The following GRIN3A variants were observed in gnomAD, a reference collection of about 807,000 sequenced individuals.
The protein encoded by GRIN3A is glutamate receptor ionotropic, NMDA 3A.
A neutral mutation model predicts 92.4 loss-of-function variants in GRIN3A; 47 were observed. The observed-to-expected ratio is 0.51, with a 90% CI of 0.40 to 0.65. The LOEUF is 0.65. Among genes scored for constraint, GRIN3A ranks in the 30% least tolerant of loss-of-function variants. GRIN3A has a pLI of 0.00. For synonymous variants in GRIN3A, 527 were observed against 540.6 expected, an observed-to-expected ratio of 0.97 and a Z score of 0.35; for missense variants, 1,324 against 1,393.1, an observed-to-expected ratio of 0.95 and a Z score of 0.79.
chr9:101,735,512 A>G (rs1017783098), intron 1 of GRIN3A, among the ~76,000 whole-genome samples: 1 of 151,952 alleles, frequency 6.6e-6, no homozygotes, highest in African/African-American at 2.4e-5. Context: ...GTTCTAGAAC[A>G]CAACTTCCCT....
At chr9:101,583,621 C>T (rs955782687) in intron 6 of GRIN3A, among the ~76,000 whole-genome samples, 12 of 152,176 alleles carry the variant, frequency 7.9e-5, no homozygotes, top group Non-Finnish European at 1.3e-4. Context: ...ATGATAATTG[C>T]AGCTGCAAGT....
At chr9:101,576,772 C>T (rs1827833196) in intron 8 of GRIN3A, among the ~76,000 whole-genome samples, 2 of 152,082 alleles carry the variant, frequency 1.3e-5, no homozygotes, top group South Asian at 4.1e-4. Flanking sequence ...GGAGAGTGCT[C>T]ATTGACTGGA....
chr9:101,611,085 G>A (rs1469862489), intron 6 of GRIN3A, among the ~76,000 whole-genome samples: 4 of 147,400 alleles, frequency 2.7e-5, no homozygotes, highest in Non-Finnish European at 6.0e-5. Context: ...GTTACAGTGT[G>A]AGAGTCTGTC....
chr9:101,609,700 T>A lies in GRIN3A; in HGVS notation c.2766+3676A>T, dbSNP rs564449586. On this transcript the variant is annotated intron_variant, in intron 6 of 8. Transcript: ENST00000361820. ...TAGGTCCTCCTCCACCTAGGAATCA[T>A]ATGGTCCCTTCAGCTGAAGTCTTGG... Among the ~76,000 whole-genome samples the A allele has an allele frequency of 2.6e-5, 4 of 152,284 alleles. No individual in the cohort carries two copies. In the South Asian group the frequency reaches 8.3e-4, roughly 32 times the overall value.
intron 1 of GRIN3A, among the ~76,000 whole-genome samples, chr9:101,705,373 C>T (rs1417344380): frequency 6.6e-6 from 1 of 152,130 alleles, no homozygotes; most frequent in Non-Finnish European, 1.5e-5. Context: ...CGGCGGAACT[C>T]CAGGCAAAGA....
At chr9:101,726,663 A>G (rs1277850599) in intron 1 of GRIN3A, among the ~76,000 whole-genome samples, 1 of 151,524 alleles carries the variant, frequency 6.6e-6, no homozygotes, top group Non-Finnish European at 1.5e-5. Flanking sequence ...CCATTTAAAA[A>G]TTTTTATTTA....
intron 6 of GRIN3A, among the ~76,000 whole-genome samples, chr9:101,598,767 A>G (rs1828173686): frequency 6.6e-6 from 1 of 152,184 alleles, no homozygotes; most frequent in Non-Finnish European, 1.5e-5. Context: ...TAGTGGTTAC[A>G]GTATGCCACA....
At chr9:101,640,805 C>T (rs1564132958) in intron 3 of GRIN3A, among the ~76,000 whole-genome samples, 2 of 152,156 alleles carry the variant, frequency 1.3e-5, no homozygotes, top group African/African-American at 4.8e-5. Context: ...CTGCGATCCA[C>T]GTAAGACATG....
intron 1 of GRIN3A, among the ~76,000 whole-genome samples, chr9:101,691,511 A>T (rs751366082): frequency 6.6e-6 from 1 of 152,204 alleles, no homozygotes; most frequent in Non-Finnish European, 1.5e-5. Context: ...TGTATTTGAA[A>T]ACAATTGATC....
intron 1 of GRIN3A, among the ~76,000 whole-genome samples, chr9:101,721,254 C>T (rs778057299): frequency 1.6e-4 from 25 of 152,108 alleles, no homozygotes; most frequent in South Asian, 2.1e-4. Context: ...CAGGGGTTTC[C>T]GCTTTTGCTT....
intron 1 of GRIN3A, among the ~76,000 whole-genome samples, chr9:101,737,006 A>C (rs1420622274): frequency 1.3e-5 from 2 of 151,746 alleles, no homozygotes; most frequent in Non-Finnish European, 2.9e-5. Flanking sequence ...CAGCCGGTCA[A>C]AATATGATTT....
intron 1 of GRIN3A, among the ~76,000 whole-genome samples, chr9:101,691,516 T>C (rs1166800515): frequency 6.6e-6 from 1 of 152,192 alleles, no homozygotes; most frequent in Non-Finnish European, 1.5e-5. Flanking sequence ...TTGAAAACAA[T>C]TGATCACTAT....
chr9:101,634,125 A>G (rs185622308), intron 3 of GRIN3A, among the ~76,000 whole-genome samples: 1 of 152,186 alleles, frequency 6.6e-6, no homozygotes, highest in East Asian at 1.9e-4. Context: ...CGAGGTCAGG[A>G]GATCGAGACC....
chr9:101,674,830 CG>C (rs1369091991), intron 2 of GRIN3A, among the ~76,000 whole-genome samples: 3 of 151,948 alleles, frequency 2.0e-5, no homozygotes, highest in South Asian at 4.2e-4. Context: ...GCATAATAAT[CG>C]GATTGGAGAG....
intron 5 of GRIN3A, among the ~76,000 whole-genome samples, chr9:101,621,171 G>T (rs1828549217): frequency 6.6e-6 from 1 of 151,674 alleles, no homozygotes; most frequent in Non-Finnish European, 1.5e-5. Flanking sequence ...TGTAATCCCA[G>T]CTACCCGGGA....
chr9:101,736,528 G>T (rs1032987507), intron 1 of GRIN3A, among the ~76,000 whole-genome samples: 4 of 151,546 alleles, frequency 2.6e-5, no homozygotes, highest in African/African-American at 9.7e-5. Context: ...GATGGGGAGA[G>T]AAATGGGCTG....
At chr9:101,606,225 C>G (rs781779083) in intron 6 of GRIN3A, among the ~76,000 whole-genome samples, 5 of 152,196 alleles carry the variant, frequency 3.3e-5, no homozygotes, top group Non-Finnish European at 7.3e-5. Flanking sequence ...CCATGAGGGA[C>G]AGTGCTGGAC....
chr9:101,615,950 C>T (rs1182930111), intron 5 of GRIN3A, among the ~76,000 whole-genome samples: 2 of 152,136 alleles, frequency 1.3e-5, no homozygotes, highest in African/African-American at 4.8e-5. Context: ...CTTATATGGC[C>T]CAGTTCTCCC....
chr9:101,732,025 T>C (rs1415190781), intron 1 of GRIN3A, among the ~76,000 whole-genome samples: 1 of 152,240 alleles, frequency 6.6e-6, no homozygotes, highest in Non-Finnish European at 1.5e-5. Flanking sequence ...CTTGTGTATA[T>C]GTGGCAATAG....
Sources: allele counts gnomAD v4.1 joint callset (sites outside exome capture counted in the v4.1 genomes callset), GRCh38; gene constraint gnomAD v4.1.1; transcripts MANE v1.5; gene names NCBI Gene and HGNC (gene_info 2026-07-23, HGNC 2026-07-21).